Variants in ROBO2 observed in about 807,000 individuals in gnomAD.
The protein encoded by ROBO2 is roundabout homolog 2.
In ROBO2, 53 loss-of-function variants were observed where a neutral mutation model predicts 160.8. That is an observed-to-expected ratio of 0.33 (90% CI 0.26 to 0.41). The LOEUF is 0.41. Among genes scored for constraint, ROBO2 ranks in the 10% least tolerant of loss-of-function variants. The pLI is 1.00. For missense variants in ROBO2, 1,577 were observed against 1,722.4 expected, an observed-to-expected ratio of 0.92 and a Z score of 1.49; for synonymous variants, 664 against 611.7, an observed-to-expected ratio of 1.09 and a Z score of -1.26.
chr3:77,367,817 C>A (rs2071140029), intron 2 of ROBO2, among the ~76,000 whole-genome samples: 1 of 152,140 alleles, frequency 6.6e-6, no homozygotes, highest in Non-Finnish European at 1.5e-5. Flanking sequence ...CAATGTCTGA[C>A]ACTTCCAGTT....
At chr3:77,255,856 T>C (rs1023181017) in intron 2 of ROBO2, among the ~76,000 whole-genome samples, 6 of 152,204 alleles carry the variant, frequency 3.9e-5, no homozygotes, top group African/African-American at 1.4e-4. Flanking sequence ...GGAAATCCTA[T>C]GGGTATGTGA....
At chr3:77,601,759 A>G (rs1267040181) in intron 19 of ROBO2, among the ~76,000 whole-genome samples, 1 of 152,240 alleles carries the variant, frequency 6.6e-6, no homozygotes, top group African/African-American at 2.4e-5. Context: ...TCGGTATAGT[A>G]TAATTTTTGA....
intron 2 of ROBO2, among the ~76,000 whole-genome samples, chr3:76,495,332 GAT>G (rs2080089613): frequency 1.3e-5 from 2 of 151,056 alleles, no homozygotes; most frequent in Non-Finnish European, 2.9e-5. Context: ...AGTGGTTGAA[GAT>G]ATTTGAGTGT....
intron 2 of ROBO2, among the ~76,000 whole-genome samples, chr3:76,644,162 C>T (rs955237841): frequency 2.2e-4 from 34 of 152,260 alleles, no homozygotes; most frequent in Non-Finnish European, 4.6e-4. Context: ...ACTATCAATG[C>T]TTACAGCCCT....
intron 1 of ROBO2, among the ~76,000 whole-genome samples, chr3:77,067,888 T>C (rs1444162373): frequency 6.6e-6 from 1 of 152,168 alleles, no homozygotes; most frequent in Non-Finnish European, 1.5e-5. Context: ...TCAGAACTTT[T>C]TTCTTTTTTA....
intron 2 of ROBO2, among the ~76,000 whole-genome samples, chr3:76,230,379 C>T (rs1036340397): frequency 3.9e-5 from 6 of 151,968 alleles, no homozygotes; most frequent in African/African-American, 1.5e-4. Flanking sequence ...TACATTTGTC[C>T]TTCCAAAGGC....
intron 2 of ROBO2, among the ~76,000 whole-genome samples, chr3:77,175,906 G>A (rs373701774): frequency 1.1e-4 from 17 of 152,118 alleles, no homozygotes; most frequent in African/African-American, 4.1e-4. Flanking sequence ...CTGTAAGTAG[G>A]GAGAAAAATC....
intron 2 of ROBO2, among the ~76,000 whole-genome samples, chr3:76,856,793 T>G (rs1044403465): frequency 6.6e-6 from 1 of 152,168 alleles, no homozygotes; most frequent in Non-Finnish European, 1.5e-5. Flanking sequence ...AAAATACAGT[T>G]CAGCAAATCA....
rs190794787 is a variant in ROBO2, at chr3:76,642,753, T to C, written c.110-455261T>C. Among the ~76,000 whole-genome samples, 925 of 152,284 alleles carry C rather than the reference T, an allele frequency of 6.1e-3. 3 individuals carry two copies. The highest frequency in any genetic ancestry group is 0.021 in the African/African-American group (864 of 41,556). On this transcript the variant is annotated intron_variant, in intron 2 of 26. Coordinates refer to the ROBO2 transcript ENST00000487694. ...GAGTACTTTACAATCTTCAATGATA[T>C]GTGATACAAGAAAACTTCATTCTTC...
chr3:76,523,797 A>G (rs2081774448), intron 2 of ROBO2, among the ~76,000 whole-genome samples: 1 of 152,162 alleles, frequency 6.6e-6, no homozygotes, highest in South Asian at 2.1e-4. Flanking sequence ...AGTAAATGCT[A>G]TAGTTATTAG....
intron 2 of ROBO2, among the ~76,000 whole-genome samples, chr3:76,165,797 G>C (rs1381669819): frequency 3.3e-5 from 5 of 152,108 alleles, no homozygotes; most frequent in Non-Finnish European, 5.9e-5. Flanking sequence ...TGGAGGAGGA[G>C]AGAGAATGGG....
chr3:76,965,243 G>A (rs768698211), intron 2 of ROBO2, among the ~76,000 whole-genome samples: 4 of 152,202 alleles, frequency 2.6e-5, no homozygotes, highest in Non-Finnish European at 5.9e-5. Flanking sequence ...TCACTGCCAG[G>A]CAAATCCAGA....
At chr3:75,945,807 G>C (rs1237000738) in intron 2 of ROBO2, among the ~76,000 whole-genome samples, 1 of 147,540 alleles carries the variant, frequency 6.8e-6, no homozygotes, top group Non-Finnish European at 1.5e-5. Context: ...AATTAGAAAA[G>C]TAACTTGTTC....
intron 2 of ROBO2, among the ~76,000 whole-genome samples, chr3:76,984,557 G>A (rs1251596569): frequency 6.6e-6 from 1 of 152,104 alleles, no homozygotes; most frequent in Non-Finnish European, 1.5e-5. Flanking sequence ...AGCAGTTACC[G>A]AAATCCAGAT....
chr3:77,511,603 G>A (rs531006450), intron 5 of ROBO2, among the ~76,000 whole-genome samples: 3 of 152,130 alleles, frequency 2.0e-5, no homozygotes, highest in Admixed American at 2.0e-4. Context: ...AGGAAGATTA[G>A]CATAGGGGTT....
intron 2 of ROBO2, among the ~76,000 whole-genome samples, chr3:77,256,700 C>T (rs184521612): frequency 2.3e-4 from 35 of 152,272 alleles, no homozygotes; most frequent in South Asian, 6.2e-4. Flanking sequence ...AAAGCCTATT[C>T]CCAAGAGAGG....
At chr3:77,180,843 T>C (rs1350783483) in intron 2 of ROBO2, among the ~76,000 whole-genome samples, 2 of 152,038 alleles carry the variant, frequency 1.3e-5, no homozygotes, top group Non-Finnish European at 2.9e-5. Context: ...TGGTATACAC[T>C]TTGACCCATA....
At chr3:77,627,142 A>G (rs1276484928) in intron 23 of ROBO2, among the ~76,000 whole-genome samples, 1 of 152,200 alleles carries the variant, frequency 6.6e-6, no homozygotes, top group Non-Finnish European at 1.5e-5. Flanking sequence ...TCAAAATTGA[A>G]CAGATAAAAA....
intron 2 of ROBO2, among the ~76,000 whole-genome samples, chr3:76,283,911 G>T (rs771806439): frequency 5.3e-5 from 8 of 151,860 alleles, no homozygotes; most frequent in Non-Finnish European, 8.8e-5. Context: ...TTCCTTTCTT[G>T]TCTTAGGATC....
Sources: allele counts gnomAD v4.1 joint callset (sites outside exome capture counted in the v4.1 genomes callset), GRCh38; gene constraint gnomAD v4.1.1; transcripts MANE v1.5; gene names NCBI Gene and HGNC (gene_info 2026-07-23, HGNC 2026-07-21).